Variants in PGBD5 observed in about 807,000 individuals in gnomAD.
The protein encoded by PGBD5 is piggyBac transposable element derived 5.
A neutral mutation model predicts 47.9 loss-of-function variants in PGBD5; 14 were observed. That is an observed-to-expected ratio of 0.29 (90% CI 0.19 to 0.46). The LOEUF (loss-of-function observed/expected upper bound fraction) is 0.46. PGBD5 is among the 20% of genes least tolerant of loss of function. PGBD5 has a pLI of 1.00. For synonymous variants in PGBD5, 316 were observed against 306.3 expected (o/e 1.03, Z -0.33); for missense variants, 635 against 716.0 (o/e 0.89, Z 1.29).
At chr1:230,375,652 C>A (rs1046081341) in intron 1 of PGBD5, among the ~76,000 whole-genome samples, 2 of 105,660 alleles carry the variant, frequency 1.9e-5, no homozygotes, top group Admixed American at 9.4e-5. Flanking sequence ...TCCTATTTGA[C>A]TTTTTTTTTT....
chr1:230,388,636 C>G (rs185139501), intron 1 of PGBD5, among the ~76,000 whole-genome samples: 3 of 152,098 alleles, frequency 2.0e-5, no homozygotes, highest in Non-Finnish European at 2.9e-5. Flanking sequence ...AGGATGGCCT[C>G]GATCTCCTGA....
intron 1 of PGBD5, among the ~76,000 whole-genome samples, chr1:230,385,270 T>C (rs904272313): frequency 6.6e-6 from 1 of 152,238 alleles, no homozygotes; most frequent in Admixed American, 6.5e-5. Context: ...TGCTTGGTAA[T>C]TACAAGGTTT....
chr1:230,349,345 C>T (rs1667525917), intron 3 of PGBD5, among the ~76,000 whole-genome samples: 1 of 151,966 alleles, frequency 6.6e-6, no homozygotes, highest in Non-Finnish European at 1.5e-5. Flanking sequence ...CTGGGCAACA[C>T]AGTGAGACTC....
At chr1:230,413,586 C>A (rs907561643) in intron 1 of PGBD5, among the ~76,000 whole-genome samples, 7 of 152,064 alleles carry the variant, frequency 4.6e-5, no homozygotes, top group Non-Finnish European at 8.8e-5. Flanking sequence ...AAAGCAAATG[C>A]AATGGAGATT....
At chr1:230,394,815 A>C (rs1304031349) in intron 1 of PGBD5, among the ~76,000 whole-genome samples, 84 of 40,626 alleles carry the variant, frequency 2.1e-3, no homozygotes, top group African/African-American at 3.1e-3. Flanking sequence ...TCCTCTCCTC[A>C]CGCTCCTCCC....
chr1:230,366,768 A>G (rs1667840904), intron 1 of PGBD5, among the ~76,000 whole-genome samples: 1 of 152,140 alleles, frequency 6.6e-6, no homozygotes, highest in African/African-American at 2.4e-5. Context: ...AATGCCCCAT[A>G]AATGGTATCT....
chr1:230,406,608 T>C (rs1657302523), intron 1 of PGBD5, among the ~76,000 whole-genome samples: 1 of 152,170 alleles, frequency 6.6e-6, no homozygotes, highest in African/African-American at 2.4e-5. Flanking sequence ...TTAGATTATA[T>C]CATAATTATA....
intron 1 of PGBD5, among the ~76,000 whole-genome samples, chr1:230,412,387 CTT>C (rs34303231): frequency 0.047 from 5,955 of 127,348 alleles, 81 homozygotes; most frequent in Middle Eastern, 0.057. Context: ...ATCCTAAAGT[CTT>C]TTTTTTTTTT....
intron 1 of PGBD5, among the ~76,000 whole-genome samples, chr1:230,421,627 T>C (rs1043145258): frequency 6.6e-6 from 1 of 152,162 alleles, no homozygotes; most frequent in Non-Finnish European, 1.5e-5. Flanking sequence ...TTTCACCCCC[T>C]ACATGAACAG....
At position 230,413,723 on chromosome 1, in the gene PGBD5, G is replaced by A. The variant is rs114700790; in HGVS notation, c.331+11875C>T. Among the ~76,000 whole-genome samples, 1,271 of 152,236 alleles carry A rather than the reference G, an allele frequency of 8.3e-3. 18 individuals carry two copies. The highest frequency in any genetic ancestry group is 0.029 in the African/African-American group (1,193 of 41,514). ...GCCTTCACGCTGTCTCCTGCTGGGT[G>A]TTCCCTTAGGACCTAGGACAACCTG... On this transcript the variant is annotated intron_variant, in intron 1 of 6. Coordinates refer to ENST00000391860, the MANE Select transcript of PGBD5 (RefSeq NM_001258311.2).
At chr1:230,392,894 C>G (rs1163087524) in intron 1 of PGBD5, among the ~76,000 whole-genome samples, 1 of 151,870 alleles carries the variant, frequency 6.6e-6, no homozygotes, top group Non-Finnish European at 1.5e-5. Context: ...GAGCCTGGAG[C>G]AGCAGGAGCA....
In PGBD5 at chr1:230,357,898, G is replaced by A. The variant is rs1667680543; in HGVS notation, c.332-577C>T. Among the ~76,000 whole-genome samples the A allele has an allele frequency of 6.6e-6, 1 of 151,962 alleles. No individual in the cohort carries two copies. Among genetic ancestry groups the A allele is most frequent in the South Asian group, 2.1e-4 (1 of 4,808 alleles). On this transcript the variant is annotated intron_variant, in intron 1 of 6. Transcript: ENST00000391860. This position sits in a 1 kb window ranked among gnomAD's most constrained non-coding sequence, Gnocchi z 5.7. ...TAAAAGCACTGTCTGCCAGTCTGGG[G>A]TACTTCTCCGTACAAGGAAGAAAGC...
rs1409308360 is a variant in PGBD5 at position 230,317,144 on chromosome 1, A to T, written c.*6281T>A. ...TGGCTGGAGCCTTCTTTCGGCGGAGAATCAGCCTGCTCTGTGCCCCCAACG... is the reference window on the plus strand; with the variant it reads ...TGGCTGGAGCCTTCTTTCGGCGGAGTATCAGCCTGCTCTGTGCCCCCAACG... On this transcript the variant is annotated 3_prime_UTR_variant, in exon 7 of 7. Coordinates refer to ENST00000391860, the MANE Select transcript of PGBD5 (RefSeq NM_001258311.2). The T allele has an allele frequency of 6.6e-6, 1 of 152,270 alleles. No homozygotes were observed. Among genetic ancestry groups the T allele is most frequent in the Non-Finnish European group, 1.5e-5 (1 of 68,118 alleles). 9.4% of individuals were successfully genotyped at this position (152,270 alleles called of 1,614,324 possible).
intron 1 of PGBD5, among the ~76,000 whole-genome samples, chr1:230,392,765 C>G (rs1352860970): frequency 6.6e-6 from 1 of 152,176 alleles, no homozygotes; most frequent in African/African-American, 2.4e-5. Flanking sequence ...GATACAAGCC[C>G]CACAGTGCTT....
chr1:230,391,974 G>T (rs1656795937), intron 1 of PGBD5, among the ~76,000 whole-genome samples: 1 of 152,176 alleles, frequency 6.6e-6, no homozygotes, highest in Non-Finnish European at 1.5e-5. Flanking sequence ...CTGGGCGTTT[G>T]CTCATTTTAA....
At chr1:230,410,658 GA>G (rs1321231719) in intron 1 of PGBD5, among the ~76,000 whole-genome samples, 1 of 152,050 alleles carries the variant, frequency 6.6e-6, no homozygotes, top group African/African-American at 2.4e-5. Context: ...AAAATTTATA[GA>G]ACACTCCAGA....
At chr1:230,359,354 G>A (rs1440649532) in intron 1 of PGBD5, among the ~76,000 whole-genome samples, 3 of 152,122 alleles carry the variant, frequency 2.0e-5, no homozygotes, top group Non-Finnish European at 4.4e-5. Flanking sequence ...GTGAGCCACC[G>A]CGCCCGGCCT....
chr1:230,367,203 C>T (rs1051685813), intron 1 of PGBD5, among the ~76,000 whole-genome samples: 15 of 152,110 alleles, frequency 9.9e-5, no homozygotes, highest in Middle Eastern at 3.2e-3. Context: ...CTACTCGGGC[C>T]GCTGTTTCTT....
At chr1:230,354,064 G>A (rs970000387) in intron 2 of PGBD5, among the ~76,000 whole-genome samples, 2 of 152,200 alleles carry the variant, frequency 1.3e-5, no homozygotes, top group Non-Finnish European at 2.9e-5. Context: ...CTCAGCAGAT[G>A]GGGCAGGCTG....
Sources: allele counts gnomAD v4.1 joint callset (sites outside exome capture counted in the v4.1 genomes callset), GRCh38; gene constraint gnomAD v4.1.1; non-coding constraint Gnocchi (gnomAD v3.1); transcripts MANE v1.5; gene names NCBI Gene and HGNC (gene_info 2026-07-23, HGNC 2026-07-21).